The following RO60 variants were observed in gnomAD, a reference collection of about 807,000 sequenced individuals.
RO60 encodes the protein Ro60, Y RNA binding protein.
A neutral mutation model predicts 55.3 loss-of-function variants in RO60; 20 were observed. The ratio of observed to expected loss-of-function variants is 0.36; its 90% confidence interval spans 0.25 to 0.53. The LOEUF (loss-of-function observed/expected upper bound fraction) is 0.53, where lower values mean the gene tolerates loss of function less well. Among genes scored for constraint, RO60 ranks in the 20% least tolerant of loss-of-function variants. RO60 has a pLI of 0.92. For synonymous variants in RO60, 213 were observed against 213.6 expected (o/e 1.00, Z 0.02); for missense variants, 558 against 646.6 (o/e 0.86, Z 1.49).
At chr1:193,082,508 T>C in intron 7 of RO60, 54 bp from the exon 8 acceptor site, 1 of 1,566,142 alleles carries the variant, frequency 6.4e-7, no homozygotes, top group African/African-American at 1.4e-5. Context: ...CTGTAAAAAC[T>C]AGTATTTTTA....
chr1:193,062,083 G>T (rs1444863074), intron 1 of RO60, among the ~76,000 whole-genome samples: 1 of 151,936 alleles, frequency 6.6e-6, no homozygotes, highest in Non-Finnish European at 1.5e-5. Context: ...AACATTAGTT[G>T]TATGGTGTGT....
intron 2 of RO60, among the ~76,000 whole-genome samples, chr1:193,073,610 G>A (rs1040495313): frequency 1.3e-5 from 2 of 152,124 alleles, no homozygotes; most frequent in African/African-American, 4.8e-5. Flanking sequence ...GTCTCACTCT[G>A]TTGGCCAGGC....
At chr1:193,076,472 T>G (rs1188688733) in intron 3 of RO60, 29 bp from the exon 4 acceptor site, 1 of 1,602,250 alleles carries the variant, frequency 6.2e-7, no homozygotes, top group East Asian at 2.2e-5. Context: ...CCTTAATTCC[T>G]GGTATTTCTG....
chr1:193,073,389 G>A (rs1195513594), intron 2 of RO60, among the ~76,000 whole-genome samples: 1 of 152,102 alleles, frequency 6.6e-6, no homozygotes, highest in African/African-American at 2.4e-5. Context: ...ATATTTTTGG[G>A]TAAAAATGAA....
intron 2 of RO60, chr1:193,070,543 T>G: frequency 2.3e-6 from 1 of 425,918 alleles, no homozygotes. Flanking sequence ...TTTTTTTTTT[T>G]GCACCGGAAG....
chr1:193,086,114 A>G lies in RO60; in HGVS notation c.*1383A>G. Reference sequence around the variant, plus strand: ...GATTTGTAAGGTCCTTCTCGCTGTTATGTGAAAAGTCAAACTGTAGTTAAT... The same window carrying G: ...GATTTGTAAGGTCCTTCTCGCTGTTGTGTGAAAAGTCAAACTGTAGTTAAT... On this transcript the variant is annotated 3_prime_UTR_variant, in exon 9 of 9. Transcript: ENST00000400968. 1.2e-6 allele frequency: 1 copy of G among 836,162 alleles called. No homozygotes were observed. Among genetic ancestry groups the G allele is most frequent in the Non-Finnish European group, 1.4e-6 (1 of 694,098 alleles). 51.8% of individuals were successfully genotyped at this position (836,162 alleles called of 1,614,324 possible).
intron 5 of RO60, among the ~76,000 whole-genome samples, chr1:193,081,024 A>G (rs1006721764): frequency 2.6e-5 from 4 of 152,182 alleles, no homozygotes; most frequent in African/African-American, 9.6e-5. Flanking sequence ...AATTTATGTT[A>G]TATTTTACCA....
intron 2 of RO60, 80 bp from the exon 3 acceptor site, chr1:193,075,740 A>G: frequency 2.0e-6 from 2 of 1,025,340 alleles, no homozygotes; most frequent in South Asian, 3.2e-5. Context: ...TGTTGATCAT[A>G]TAATGCATTT....
intron 1 of RO60, among the ~76,000 whole-genome samples, chr1:193,068,671 C>T (rs184566881): frequency 1.9e-4 from 29 of 152,248 alleles, no homozygotes; most frequent in Non-Finnish European, 3.7e-4. Context: ...AAAAATGTGA[C>T]GCCTTAGTTG....
chr1:193,072,737 A>T (rs1673607673), intron 2 of RO60, among the ~76,000 whole-genome samples: 1 of 152,196 alleles, frequency 6.6e-6, no homozygotes, highest in Non-Finnish European at 1.5e-5. Context: ...AGACTAAGAG[A>T]AAGACCGCCC....
intron 4 of RO60, 70 bp downstream of exon 4, chr1:193,076,717 C>CAGTGCATTTAAAAAT: frequency 6.9e-7 from 1 of 1,445,930 alleles, no homozygotes; most frequent in Non-Finnish European, 9.4e-7. Flanking sequence ...TTAGAAATGC[C>CAGTGCATTTAAAAAT]GTCAGTGCAT....
chr1:193,075,521 T>G (rs1673850438), intron 2 of RO60, among the ~76,000 whole-genome samples: 1 of 151,996 alleles, frequency 6.6e-6, no homozygotes, highest in Non-Finnish European at 1.5e-5. Context: ...ATTATGGACC[T>G]GAAACTTTCT....
chr1:193,059,771 G>A lies in RO60; in HGVS notation c.-27G>A. ...GCGGATCCAGGGGGTCGGCTGCCAG[G>A]TACAGGTGAGGACATTGCGGGAGGC... is the stretch of plus-strand genomic sequence containing the variant. On this transcript the variant is annotated 5_prime_UTR_variant, in exon 1 of 9. Transcript: ENST00000400968. This position sits in a 1 kb window ranked among gnomAD's most constrained non-coding sequence, Gnocchi z 4.9. 1 of 1,356,580 alleles carries A rather than the reference G, an allele frequency of 7.4e-7. No homozygotes were observed. Among genetic ancestry groups the A allele is most frequent in the Non-Finnish European group, 9.8e-7 (1 of 1,017,360 alleles). The allele number at this position is 1,356,580 out of a possible 1,614,324, so 84.0% of individuals were successfully genotyped here.
At chr1:193,081,913 A>G (rs1674341650) in intron 6 of RO60, among the ~76,000 whole-genome samples, 1 of 152,186 alleles carries the variant, frequency 6.6e-6, no homozygotes, top group South Asian at 2.1e-4. Context: ...ATAGTAGGCA[A>G]ACTTTTTAGC....
In RO60 at chr1:193,069,490, C is replaced by T. The variant is rs1464760497; in HGVS notation, c.436C>T (p.Arg146Cys). 4 of 1,614,038 alleles carry T rather than the reference C, an allele frequency of 2.5e-6. No individual in the cohort carries two copies. Among genetic ancestry groups the T allele is most frequent in the South Asian group, 1.1e-5 (1 of 91,076 alleles). Residue 146 changes from arginine (R) to cysteine (C), a missense_variant, in exon 2 of 9, where the codon CGT (arginine) becomes TGT (cysteine). Arg to Cys is a radical substitution (Grantham distance 180, BLOSUM62 -3). Coordinates refer to ENST00000400968, the MANE Select transcript of RO60 (RefSeq NM_001173524.2). ...AAGCATGAAATGTGGCATGTGGGGT[C>T]GTGCCCTCCGGAAGGCTATAGCGGA... ...KESMKCGMWG[R>C]ALRKAIADWY...
intron 5 of RO60, among the ~76,000 whole-genome samples, chr1:193,077,862 T>C (rs1674035032): frequency 6.6e-6 from 1 of 152,194 alleles, no homozygotes; most frequent in Non-Finnish European, 1.5e-5. Context: ...TTTAGAAATT[T>C]GCATTCCTGT....
chr1:193,068,790 CTG>C (rs1673285228), intron 1 of RO60, among the ~76,000 whole-genome samples: 1 of 152,188 alleles, frequency 6.6e-6, no homozygotes, highest in African/African-American at 2.4e-5. Context: ...ACTTTAAAAA[CTG>C]AAGATATTAC....
In RO60 at chr1:193,091,192, A is replaced by G. The variant is rs1674845013; in HGVS notation, c.*6461A>G. ...GGGAATTTTTCAAGACAAAAGGCAA[A>G]TATTTTGTTTCAAACCTACAAGCAA... On this transcript the variant is annotated 3_prime_UTR_variant, in exon 9 of 9. Transcript: ENST00000400968. 6.6e-6 allele frequency: 1 copy of G among 152,652 alleles called. No individual in the cohort carries two copies. Among genetic ancestry groups the G allele is most frequent in the South Asian group, 2.1e-4 (1 of 4,858 alleles). The allele number at this position is 152,652 out of a possible 1,614,324, so 9.5% of individuals were successfully genotyped here. A position where few individuals can be genotyped will look rare whatever the true frequency, so the allele number is the denominator to read the frequency against.
intron 2 of RO60, 91 bp downstream of exon 2, chr1:193,069,725 A>G (rs1156692942): frequency 2.9e-6 from 3 of 1,024,862 alleles, no homozygotes; most frequent in Non-Finnish European, 2.8e-6. Flanking sequence ...AGTGTGTAAT[A>G]TTTTCTAGAA....
Sources: allele counts gnomAD v4.1 joint callset (sites outside exome capture counted in the v4.1 genomes callset), GRCh38; gene constraint gnomAD v4.1.1; non-coding constraint Gnocchi (gnomAD v3.1); transcripts MANE v1.5; gene names NCBI Gene and HGNC (gene_info 2026-07-23, HGNC 2026-07-21).